Variants in DMXL2 observed in about 807,000 individuals in gnomAD.
DMXL2 encodes dmX-like protein 2.
In DMXL2, 103 loss-of-function variants were observed where a neutral mutation model predicts 331.1. The ratio of observed to expected loss-of-function variants is 0.31; its 90% CI spans 0.27 to 0.37. The LOEUF is 0.37. Ranked by LOEUF, DMXL2 falls within the 10% of genes least tolerant of loss-of-function variation. The pLI is 1.00. For synonymous variants in DMXL2, 1,281 were observed against 1,252.1 expected (o/e 1.02, Z -0.49); for missense variants, 3,171 against 3,642.9 (o/e 0.87, Z 3.33).
chr15:51,564,990 T>C, intron 4 of DMXL2, 98 bp downstream of exon 4: 1 of 708,808 alleles, frequency 1.4e-6, no homozygotes, highest in Non-Finnish European at 2.1e-6. Flanking sequence ...ATATAATACA[T>C]TGATCATTTT....
At chr15:51,611,259 C>A (rs2053951643) in intron 1 of DMXL2, among the ~76,000 whole-genome samples, 1 of 152,012 alleles carries the variant, frequency 6.6e-6, no homozygotes, top group Non-Finnish European at 1.5e-5. Context: ...TAACCAATGG[C>A]AGTAATGACA....
chr15:51,509,871 C>T (rs2046647665), intron 15 of DMXL2, among the ~76,000 whole-genome samples: 1 of 152,206 alleles, frequency 6.6e-6, no homozygotes, highest in South Asian at 2.1e-4. Flanking sequence ...ATCAAGTCGG[C>T]TTCATCCCTG....
intron 9 of DMXL2, among the ~76,000 whole-genome samples, chr15:51,539,730 G>T (rs535870116): frequency 6.6e-6 from 1 of 152,044 alleles, no homozygotes; most frequent in Non-Finnish European, 1.5e-5. Flanking sequence ...GATTGCCTGA[G>T]CCGGAGAGGT....
chr15:51,601,414 C>T (rs1406311590), intron 1 of DMXL2, among the ~76,000 whole-genome samples: 1 of 151,978 alleles, frequency 6.6e-6, no homozygotes, highest in Non-Finnish European at 1.5e-5. Context: ...TTCTGTCTTG[C>T]ACATCTCTAA....
chr15:51,547,338 T>A lies in DMXL2; in HGVS notation c.638A>T (p.His213Leu). The change falls in exon 7 of 44, where the codon CAT becomes CTT. Residue 213 changes from histidine (H) to leucine (L), a missense_variant. By Grantham distance (99) the His-to-Leu change is moderately conservative. Around this residue, in one of 7 missense-constraint regions of DMXL2, gnomAD observed 1,674 missense variants for 1,780.2 expected, o/e 0.94. Coordinates refer to ENST00000560891, the MANE Select transcript of DMXL2 (RefSeq NM_001378457.1). Reference sequence around the variant, plus strand: ...AGAGGACTGTCTCCTTTTTACTTCATGATGATCCTGAGGTATAATTGAAGA... The same window carrying A: ...AGAGGACTGTCTCCTTTTTACTTCAAGATGATCCTGAGGTATAATTGAAGA... ...WKSSIIPQDH[H>L]EVKRRQSSTQ... 6.2e-7 allele frequency: 1 copy of A among 1,612,784 alleles called. No individual in the cohort carries two copies. The highest frequency in any genetic ancestry group is 1.1e-5 in the South Asian group (1 of 90,978).
chr15:51,449,673 T>C (rs1399483495), intron 43 of DMXL2, among the ~76,000 whole-genome samples: 2 of 152,228 alleles, frequency 1.3e-5, no homozygotes, highest in Non-Finnish European at 2.9e-5. Flanking sequence ...GTTGAAAGTA[T>C]GTTTTTCAAC....
Position 51,481,632 on chromosome 15 carries a change from A to T in DMXL2, c.5483-9T>A. 6.6e-7 allele frequency: 1 copy of T among 1,523,416 alleles called. No individual in the cohort carries two copies. The highest frequency in any genetic ancestry group is 8.8e-7 in the Non-Finnish European group (1 of 1,137,230). 94.4% of individuals were successfully genotyped at this position (1,523,416 alleles called of 1,614,324 possible). On this transcript the variant is annotated splice_polypyrimidine_tract_variant and intron_variant, in intron 23 of 43. Transcript: ENST00000560891. ...ACAAGACTTGATGATAACTATAGAA[A>T]TCAAACAGATAAAATCACAAAGCAT... is the stretch of plus-strand genomic sequence containing the variant.
intron 6 of DMXL2, among the ~76,000 whole-genome samples, chr15:51,555,995 A>C (rs1247978621): frequency 6.6e-6 from 1 of 152,210 alleles, no homozygotes; most frequent in African/African-American, 2.4e-5. Flanking sequence ...GACATTATGA[A>C]AACGGGAAAA....
chr15:51,609,940 A>AC (rs1555450320), intron 1 of DMXL2, among the ~76,000 whole-genome samples: 4 of 151,042 alleles, frequency 2.6e-5, no homozygotes, highest in Non-Finnish European at 1.5e-5. Context: ...TAAAAAAAAA[A>AC]AAAAAAACTA....
chr15:51,514,569 C>CAA lies in DMXL2; in HGVS notation c.2527-12_2527-11dup, dbSNP rs199971472. On this transcript the variant is annotated splice_polypyrimidine_tract_variant and intron_variant, in intron 14 of 43. Transcript: ENST00000560891. Reference sequence around the variant, plus strand: ...GTGTATTTGAGCCACACTACAAATACAAAAAAAAATGAAGAGGTTTTATCT... The same window carrying CAA: ...GTGTATTTGAGCCACACTACAAATACAAAAAAAAAAATGAAGAGGTTTTATCT... 14 of 1,474,830 alleles carry CAA rather than the reference C, an allele frequency of 9.5e-6. No individual in the cohort carries two copies. The East Asian group carries it at 1.2e-4, about 13-fold the overall frequency. 91.4% of individuals were successfully genotyped at this position (1,474,830 alleles called of 1,614,324 possible).
In DMXL2 at chr15:51,547,295, A is replaced by C; in HGVS notation, c.681T>G (p.Val227=). 1.9e-6 allele frequency: 3 copies of C among 1,613,158 alleles called. No individual in the cohort carries two copies. The highest frequency in any genetic ancestry group is 2.5e-6 in the Non-Finnish European group (3 of 1,179,434). ...RRQSSTQFSF[V]YLAHPRAVTG... ...TCACAGCTCGGGGATGTGCCAAGTA[A>C]ACAAAAGAAAATTGAGTAGAGGACT... The change falls in exon 7 of 44, where the codon GTT becomes GTG. Residue 227 remains valine, a synonymous_variant. Transcript: ENST00000560891.
chr15:51,583,107 T>C (rs1393229697), intron 1 of DMXL2, among the ~76,000 whole-genome samples: 1 of 33,928 alleles, frequency 2.9e-5, no homozygotes, highest in Non-Finnish European at 6.5e-5. Context: ...TTCATTCTTC[T>C]TTTTTTTTTT....
rs374786937 is a variant in DMXL2 at position 51,599,433 on chromosome 15, C to T, written c.87+23026G>A. Among the ~76,000 whole-genome samples the T allele has an allele frequency of 2.0e-5, 3 of 152,126 alleles. No individual in the cohort carries two copies. In the East Asian group the frequency reaches 5.8e-4, roughly 29 times the overall value. Reference sequence around the variant, plus strand: ...TTATGTATGTATCTATAGACAGACACACACATATCTATTTTCAACTGTCCA... The same window carrying T: ...TTATGTATGTATCTATAGACAGACATACACATATCTATTTTCAACTGTCCA... On this transcript the variant is annotated intron_variant, in intron 1 of 43. Transcript: ENST00000560891.
intron 1 of DMXL2, among the ~76,000 whole-genome samples, chr15:51,598,972 T>C (rs960028777): frequency 1.3e-5 from 2 of 152,258 alleles, no homozygotes; most frequent in South Asian, 2.1e-4. Context: ...ATTTTCTAAT[T>C]CCATCGTTGC....
intron 13 of DMXL2, among the ~76,000 whole-genome samples, chr15:51,518,440 T>A (rs573450260): frequency 6.6e-6 from 1 of 152,230 alleles, no homozygotes; most frequent in Non-Finnish European, 1.5e-5. Context: ...GAAATTTTTG[T>A]AGCACACAAC....
intron 9 of DMXL2, among the ~76,000 whole-genome samples, chr15:51,539,498 T>G (rs2048471613): frequency 6.6e-6 from 1 of 152,124 alleles, no homozygotes; most frequent in African/African-American, 2.4e-5. Context: ...TTTATGAAAT[T>G]GATGAGTTCA....
At chr15:51,555,739 T>A (rs2049522078) in intron 6 of DMXL2, among the ~76,000 whole-genome samples, 1 of 152,012 alleles carries the variant, frequency 6.6e-6, no homozygotes, top group Admixed American at 6.5e-5. Context: ...CTAATAAATT[T>A]GAAAATCTAA....
chr15:51,556,694 C>CTGGGATTGAGTATTGAGCTCA (rs2140999161), intron 6 of DMXL2, among the ~76,000 whole-genome samples: 1 of 152,020 alleles, frequency 6.6e-6, no homozygotes, highest in Non-Finnish European at 1.5e-5. Context: ...AATACTTGAA[C>CTGGGATTGAGTATTGAGCTCA]CTGGGAAGCT....
chr15:51,496,853 T>C (rs965753422), intron 18 of DMXL2, among the ~76,000 whole-genome samples: 3 of 152,200 alleles, frequency 2.0e-5, no homozygotes, highest in African/African-American at 7.2e-5. Context: ...TTACTTAGAA[T>C]CCATTTACTG....
Sources: gnomAD v4.1 joint callset for allele counts (sites outside exome capture counted in the v4.1 genomes callset) on GRCh38, gnomAD v4.1.1 for gene constraint, gnomAD v4.1.1 regional missense constraint, MANE v1.5 for transcripts, NCBI Gene and HGNC (gene_info 2026-07-23, HGNC 2026-07-21) for gene names.